Variants in CILP observed in about 807,000 individuals in gnomAD.
CILP encodes the protein cartilage intermediate layer protein.
CILP carries 75 observed loss-of-function variants against 82.5 expected under a neutral mutation model. The observed-to-expected ratio is 0.91, with a 90% confidence interval of 0.75 to 1.10. The LOEUF (loss-of-function observed/expected upper bound fraction) is 1.10, where lower values mean the gene tolerates loss of function less well. Among genes scored for constraint, CILP ranks in the 50% least tolerant of loss-of-function variants. CILP has a pLI of 0.00. For synonymous variants in CILP, 530 were observed against 580.3 expected, an observed-to-expected ratio of 0.91 and a Z score of 1.25; for missense variants, 1,479 against 1,530.8, an observed-to-expected ratio of 0.97 and a Z score of 0.56.
intron 2 of CILP, among the ~76,000 whole-genome samples, chr15:65,208,628 G>A (rs1167782785): frequency 1.3e-5 from 2 of 152,212 alleles, no homozygotes; most frequent in Admixed American, 1.3e-4. Context: ...GACTGCCTGA[G>A]GATGGGTACA....
chr15:65,196,939 G>T lies in CILP; in HGVS notation c.3347C>A (p.Thr1116Asn), dbSNP rs1428132940. The T allele has an allele frequency of 1.2e-6, 2 of 1,613,664 alleles. No homozygotes were observed. The highest frequency in any genetic ancestry group is 2.2e-5 in the East Asian group (1 of 44,890). Residue 1116 changes from threonine (T) to asparagine (N), a missense_variant, in exon 9 of 9, where the codon ACC (threonine) becomes AAC (asparagine). Thr to Asn is a moderately conservative substitution (Grantham distance 65). Coordinates refer to ENST00000261883, the MANE Select transcript of CILP (RefSeq NM_003613.4). ...TACTTGCCTCTCTACACAGTTGAAG[G>T]TGAGGGCTACTCCCACATTGCTCTT... ...IMKSNVGVAL[T>N]FNCVERQVGR...
rs1468138946 is a variant in CILP at position 65,199,104 on chromosome 15, G to A, written c.1187-5C>T. ...TGCAAGGAGTCTCATCAGATGCTGTGTAGGGAAATGGTGTGGAAATTAAGA... is the reference window on the plus strand; with the variant it reads ...TGCAAGGAGTCTCATCAGATGCTGTATAGGGAAATGGTGTGGAAATTAAGA... On this transcript the variant is annotated splice_polypyrimidine_tract_variant and splice_region_variant and intron_variant, in intron 8 of 8. Coordinates refer to ENST00000261883, the MANE Select transcript of CILP (RefSeq NM_003613.4). The A allele has an allele frequency of 3.8e-6, 6 of 1,570,390 alleles. No individual in the cohort carries two copies. The highest frequency in any genetic ancestry group is 5.2e-6 in the Non-Finnish European group (6 of 1,164,344).
Position 65,196,178 on chromosome 15 carries a change from T to C in CILP, c.*553A>G, listed in dbSNP as rs1414510900. The C allele has an allele frequency of 6.6e-6, 1 of 152,342 alleles. No individual in the cohort carries two copies. The highest frequency in any genetic ancestry group is 1.5e-5 in the Non-Finnish European group (1 of 68,116). The allele number at this position is 152,342 out of a possible 1,614,324, so 9.4% of individuals were successfully genotyped here. A position where few individuals can be genotyped will look rare whatever the true frequency, so the allele number is the denominator to read the frequency against. The stretch of plus-strand genomic sequence containing the variant: ...TGGTAGAGGAACTATGATCACCCTA[T>C]ATTTAATAGCTTAACTTTGAATGTG... On this transcript the variant is annotated 3_prime_UTR_variant, in exon 9 of 9. Coordinates refer to ENST00000261883, the MANE Select transcript of CILP (RefSeq NM_003613.4).
intron 7 of CILP, 46 bp downstream of exon 7, chr15:65,203,316 G>T: frequency 2.3e-6 from 3 of 1,330,844 alleles, no homozygotes; most frequent in Non-Finnish European, 3.2e-6. Flanking sequence ...AAGAAGCTCT[G>T]GTTTCCAGGA....
At chr15:65,204,069 A>T (rs1431739917) in intron 6 of CILP, among the ~76,000 whole-genome samples, 199 bp downstream of exon 6, 1 of 152,206 alleles carries the variant, frequency 6.6e-6, no homozygotes. Flanking sequence ...GTTGGAGTAG[A>T]GTGATTTGGT....
At position 65,196,891 on chromosome 15, in the gene CILP, T is replaced by A. The variant is rs150317612; in HGVS notation, c.3395A>T (p.Tyr1132Phe). Residue 1132 changes from tyrosine to phenylalanine, a missense_variant, in exon 9 of 9, where the codon TAC becomes TTC. Tyr to Phe is a conservative substitution (Grantham distance 22, BLOSUM62 3). Coordinates refer to ENST00000261883, the MANE Select transcript of CILP (RefSeq NM_003613.4). ...GGACTGGGCTGGGGTGCTTTGGAGG[T>A]ACTGGAAGGCACTCTGGCGGCCTAC... ...RQVGRQSAFQ[Y>F]LQSTPAQSPA... The A allele has an allele frequency of 9.0e-5, 146 of 1,613,678 alleles. No individual in the cohort carries two copies. The African/African-American group carries it at 1.8e-3, about 19-fold the overall frequency.
chr15:65,208,914 G>A (rs2088552253), intron 2 of CILP, among the ~76,000 whole-genome samples: 1 of 151,566 alleles, frequency 6.6e-6, no homozygotes, highest in Admixed American at 6.6e-5. Flanking sequence ...CAGGAGGCAG[G>A]CACATACAGG....
intron 4 of CILP, among the ~76,000 whole-genome samples, chr15:65,205,947 A>G (rs2088513667): frequency 6.6e-6 from 1 of 152,218 alleles, no homozygotes; most frequent in Non-Finnish European, 1.5e-5. Flanking sequence ...CACCTTGCTC[A>G]GATCAGCCTG....
Position 65,198,515 on chromosome 15 carries a change from C to T in CILP, c.1771G>A (p.Glu591Lys). Residue 591 changes from glutamate to lysine, a missense_variant, in exon 9 of 9, where the codon GAA becomes AAA. By Grantham distance (56) the Glu-to-Lys change is moderately conservative. Coordinates refer to ENST00000261883, the MANE Select transcript of CILP (RefSeq NM_003613.4). Reference protein sequence around the residue: ...AMETNIIPLGEVVGEDPMAEL... With the variant: ...AMETNIIPLGKVVGEDPMAEL... Reference sequence around the variant, plus strand: ...GCCATGGGGTCTTCACCAACCACTTCCCCCAGGGGGATGATGTTGGTCTCC... The same window carrying T: ...GCCATGGGGTCTTCACCAACCACTTTCCCCAGGGGGATGATGTTGGTCTCC... 6.2e-7 allele frequency: 1 copy of T among 1,614,262 alleles called. No individual in the cohort carries two copies. Among genetic ancestry groups the T allele is most frequent in the African/African-American group, 1.3e-5 (1 of 75,076 alleles).
At chr15:65,211,253 G>C (rs2088583512) in intron 1 of CILP, among the ~76,000 whole-genome samples, 175 bp downstream of exon 1, 1 of 152,068 alleles carries the variant, frequency 6.6e-6, no homozygotes, top group African/African-American at 2.4e-5. Context: ...GCCAATGGGG[G>C]AAAGCAGATT....
chr15:65,200,460 T>TTTTGC (rs1216124205), intron 8 of CILP, among the ~76,000 whole-genome samples: 2 of 151,646 alleles, frequency 1.3e-5, no homozygotes, highest in East Asian at 3.9e-4. Context: ...CTGCGTTTTG[T>TTTTGC]TTTGTTTAGG....
At chr15:65,208,011 T>A (rs2088537039) in intron 2 of CILP, among the ~76,000 whole-genome samples, 1 of 152,210 alleles carries the variant, frequency 6.6e-6, no homozygotes, top group South Asian at 2.1e-4. Context: ...ATTCAGGTGA[T>A]AATGAATGTA....
In CILP at chr15:65,209,830, G is replaced by A. The variant is rs2088565643; in HGVS notation, c.-75C>T. 3.0e-6 allele frequency: 4 copies of A among 1,342,570 alleles called. No homozygotes were observed. Among genetic ancestry groups the A allele is most frequent in the South Asian group, 1.2e-5 (1 of 84,288 alleles). 83.2% of individuals were successfully genotyped at this position (1,342,570 alleles called of 1,614,324 possible). A position where few individuals can be genotyped will look rare whatever the true frequency, so the allele number is the denominator to read the frequency against. On this transcript the variant is annotated 5_prime_UTR_variant, in exon 2 of 9. Coordinates refer to ENST00000261883, the MANE Select transcript of CILP (RefSeq NM_003613.4). ...CACAGAGTCACTGACTCTGGAATGCGGTCCCCTGGGAAGTTTCTCAGATCC... is the reference window on the plus strand; with the variant it reads ...CACAGAGTCACTGACTCTGGAATGCAGTCCCCTGGGAAGTTTCTCAGATCC...
Position 65,203,485 on chromosome 15 carries a change from G to T in CILP, c.920-15C>A. 1.2e-6 allele frequency: 2 copies of T among 1,602,454 alleles called. No homozygotes were observed. The highest frequency in any genetic ancestry group is 1.7e-6 in the Non-Finnish European group (2 of 1,171,188). ...GTATGGAGTCTCTGGGACAGAAAATGAGAAATAGCATTTTGGGTTTTTGTG... is the reference window on the plus strand; with the variant it reads ...GTATGGAGTCTCTGGGACAGAAAATTAGAAATAGCATTTTGGGTTTTTGTG... On this transcript the variant is annotated splice_polypyrimidine_tract_variant and intron_variant, in intron 6 of 8. Transcript: ENST00000261883.
Position 65,198,849 on chromosome 15 carries a change from C to T in CILP, c.1437G>A (p.Glu479=), listed in dbSNP as rs766715451. ...TTTCCGTACACCGCTGGCAGCTGCA[C>T]TCCTTGGCCACCTTGGTGGGTAGCG... is the stretch of plus-strand genomic sequence containing the variant. ...GYTLPTKVAK[E]CSCQRCTETR... Residue 479 remains glutamate (E), a synonymous_variant, in exon 9 of 9, where the codon GAG becomes GAA. Coordinates refer to ENST00000261883, the MANE Select transcript of CILP (RefSeq NM_003613.4). 6.2e-7 allele frequency: 1 copy of T among 1,614,154 alleles called. No homozygotes were observed. Among genetic ancestry groups the T allele is most frequent in the Non-Finnish European group, 8.5e-7 (1 of 1,180,046 alleles).
Position 65,197,804 on chromosome 15 carries a change from G to C in CILP, c.2482C>G (p.Leu828Val). 6.2e-7 allele frequency: 1 copy of C among 1,613,818 alleles called. No homozygotes were observed. Among genetic ancestry groups the C allele is most frequent in the Non-Finnish European group, 8.5e-7 (1 of 1,180,012 alleles). Residue 828 changes from leucine (L) to valine (V), a missense_variant, in exon 9 of 9, where the codon CTG (leucine) becomes GTG (valine). Leu to Val is a conservative substitution (Grantham distance 32). Transcript: ENST00000261883. ...DAYSAYVLASLAGEELQAVES... is the reference protein window; with the variant it reads ...DAYSAYVLASVAGEELQAVES... ...ACTGCTTGCAGTTCCTCCCCAGCCA[G>C]GCTTGCCAAGACATAGGCAGAGTAG...
Position 65,209,859 on chromosome 15 carries a change from G to T in CILP, c.-104C>A. 2 of 875,036 alleles carry T rather than the reference G, an allele frequency of 2.3e-6. No individual in the cohort carries two copies. Among genetic ancestry groups the T allele is most frequent in the South Asian group, 1.5e-5 (1 of 67,264 alleles). The allele number at this position is 875,036 out of a possible 1,614,324, so 54.2% of individuals were successfully genotyped here. A position where few individuals can be genotyped will look rare whatever the true frequency, so the allele number is the denominator to read the frequency against. ...CCCTGGGAAGTTTCTCAGATCCAGT[G>T]ACCTGTAAAGAAACAAAGCTTGTCA... On this transcript the variant is annotated splice_region_variant and 5_prime_UTR_variant, in exon 2 of 9. Transcript: ENST00000261883.
intron 4 of CILP, 48 bp from the exon 5 acceptor site, chr15:65,205,514 T>C: frequency 6.6e-7 from 1 of 1,516,782 alleles, no homozygotes; most frequent in Non-Finnish European, 8.9e-7. Flanking sequence ...TTGAGGGAAC[T>C]CTGTCAGGAA....
chr15:65,206,685 G>GATGCT (rs931713259), intron 4 of CILP, 97 bp downstream of exon 4: 4 of 1,344,074 alleles, frequency 3.0e-6, no homozygotes, highest in Non-Finnish European at 4.1e-6. Flanking sequence ...GCATGTGTGT[G>GATGCT]ATGCTGAGAG....
Sources: gnomAD v4.1 joint callset for allele counts (sites outside exome capture counted in the v4.1 genomes callset) on GRCh38, gnomAD v4.1.1 for gene constraint, MANE v1.5 for transcripts, NCBI Gene and HGNC (gene_info 2026-07-23, HGNC 2026-07-21) for gene names.